Variants in PEAR1 observed in about 807,000 individuals in gnomAD.
PEAR1 encodes the protein platelet endothelial aggregation receptor 1.
PEAR1 carries 113 observed loss-of-function variants against 131.2 expected under a neutral mutation model. The observed-to-expected ratio is 0.86, with a 90% confidence interval of 0.74 to 1.01. PEAR1 has a LOEUF of 1.01. PEAR1 is among the 50% of genes least tolerant of loss of function. The probability of loss-of-function intolerance (pLI) is 0.00; values close to 1 mark genes in which losing one functional copy is unlikely to be tolerated. For missense variants in PEAR1, 1,408 were observed against 1,391.1 expected (o/e 1.01, Z -0.19); for synonymous variants, 565 against 523.3 (o/e 1.08, Z -1.09).
chr1:156,914,114 C>T lies in PEAR1; in HGVS notation c.2962+14C>T. 4 of 1,574,120 alleles carry T rather than the reference C, an allele frequency of 2.5e-6. No homozygotes were observed. The highest frequency in any genetic ancestry group is 2.3e-5 in the South Asian group (2 of 85,634). ...CCCTGATCCATGGTGAGCCCTCCCT[C>T]TCCACTGGCAGGAGCAGCAGAGAAC... On this transcript the variant is annotated intron_variant, in intron 22 of 22. Coordinates refer to ENST00000292357, the MANE Select transcript of PEAR1 (RefSeq NM_001080471.3).
At chr1:156,904,982 T>C (rs1325896634) in intron 3 of PEAR1, 130 bp downstream of exon 3, 2 of 1,555,914 alleles carry the variant, frequency 1.3e-6, no homozygotes, top group Non-Finnish European at 1.7e-6. Context: ...GGATTCATTC[T>C]GCATGGTCTG....
Position 156,903,963 on chromosome 1 carries a change from G to T in PEAR1, c.37G>T (p.Val13Leu), listed in dbSNP as rs770778418. ...PPLCPLLLLAVGLRLAGTLNP... is the reference protein window; with the variant it reads ...PPLCPLLLLALGLRLAGTLNP... ...TCTGTGTCCCCTCCTTCTCCTGGCT[G>T]TGGGCCTGCGGCTGGCTGGAACTCT... The change falls in exon 2 of 23, where the codon GTG becomes TTG. Residue 13 changes from valine to leucine, a missense_variant. Physicochemically the swap from Val to Leu is conservative, Grantham distance 32 (BLOSUM62 1). Coordinates refer to ENST00000292357, the MANE Select transcript of PEAR1 (RefSeq NM_001080471.3). 3.1e-6 allele frequency: 5 copies of T among 1,613,970 alleles called. No individual in the cohort carries two copies. Among genetic ancestry groups the T allele is most frequent in the Non-Finnish European group, 4.2e-6 (5 of 1,180,016 alleles).
chr1:156,911,041 C>CTTTCTTTCTTTCTTTCTTTCTTTT (rs1651021155), intron 15 of PEAR1, among the ~76,000 whole-genome samples: 1 of 68,816 alleles, frequency 1.5e-5, no homozygotes, highest in African/African-American at 6.4e-5. Flanking sequence ...ATTTCTTTTT[C>CTTTCTTTCTTTCTTTCTTTCTTTT]TTTCTTTCTT....
intron 5 of PEAR1, 26 bp from the exon 6 acceptor site, chr1:156,906,611 C>A: frequency 1.2e-6 from 2 of 1,613,574 alleles, no homozygotes; most frequent in African/African-American, 1.3e-5. Flanking sequence ...CCCTGGTGAC[C>A]CCCTTCCCGC....
rs1032402794 is a variant in PEAR1, at chr1:156,907,420, C to T, written c.645-190C>T. On this transcript the variant is annotated intron_variant, in intron 6 of 22. Coordinates refer to ENST00000292357, the MANE Select transcript of PEAR1 (RefSeq NM_001080471.3). Reference sequence around the variant, plus strand: ...TGGCTCTTTGCTCACCCCCACCTGCCGGTGCCAGGGTGTCCCTGCCATTTC... The same window carrying T: ...TGGCTCTTTGCTCACCCCCACCTGCTGGTGCCAGGGTGTCCCTGCCATTTC... Among the ~76,000 whole-genome samples, 9 of 152,174 alleles carry T rather than the reference C, an allele frequency of 5.9e-5. No individual in the cohort carries two copies. The South Asian group carries it at 6.2e-4, about 10-fold the overall frequency.
chr1:156,895,017 C>A (rs1164563611), intron 1 of PEAR1, among the ~76,000 whole-genome samples: 1 of 152,246 alleles, frequency 6.6e-6, no homozygotes, highest in African/African-American at 2.4e-5. Flanking sequence ...CTCCTATCTC[C>A]TGTGTCTCCT....
intron 1 of PEAR1, among the ~76,000 whole-genome samples, chr1:156,894,549 A>C (rs1648971599): frequency 6.6e-6 from 1 of 152,206 alleles, no homozygotes. Flanking sequence ...CTGGGGGTTC[A>C]GCTTGAGGTC....
Position 156,898,859 on chromosome 1 carries a change from T to C in PEAR1, c.-10+5022T>C, listed in dbSNP as rs554240966. Among the ~76,000 whole-genome samples, 49 of 152,032 alleles carry C rather than the reference T, an allele frequency of 3.2e-4. No homozygotes were observed. In the South Asian group the frequency reaches 8.5e-3, roughly 26 times the overall value. Reference sequence around the variant, plus strand: ...GTGCAACTGTACATGGCAGCCTTAGTATAGGAACGGAAAAAGAGAGGCAGG... The same window carrying C: ...GTGCAACTGTACATGGCAGCCTTAGCATAGGAACGGAAAAAGAGAGGCAGG... On this transcript the variant is annotated intron_variant, in intron 1 of 22. Coordinates refer to ENST00000292357, the MANE Select transcript of PEAR1 (RefSeq NM_001080471.3).
Position 156,908,023 on chromosome 1 carries a change from C to A in PEAR1, c.874C>A (p.Arg292Ser). The change falls in exon 8 of 23, where the codon CGC becomes AGC. Residue 292 changes from arginine to serine, a missense_variant. Arg to Ser is a moderately radical substitution (Grantham distance 110). Transcript: ENST00000292357. This position sits in a 1 kb window ranked among gnomAD's most constrained non-coding sequence, Gnocchi z 4.2. ...GLCDRFTGQC[R>S]CAPGYTGDRC... ...CTGTGACCGATTCACTGGGCAGTGC[C>A]GCTGCGCTCCGGGTTACACTGGGGA... 1 of 1,523,146 alleles carries A rather than the reference C, an allele frequency of 6.6e-7. No individual in the cohort carries two copies. Among genetic ancestry groups the A allele is most frequent in the South Asian group, 1.2e-5 (1 of 85,234 alleles). The allele number at this position is 1,523,146 out of a possible 1,614,324, so 94.4% of individuals were successfully genotyped here. A position where few individuals can be genotyped will look rare whatever the true frequency, so the allele number is the denominator to read the frequency against.
At position 156,913,296 on chromosome 1, in the gene PEAR1, G is replaced by T. The variant is rs1205826027; in HGVS notation, c.2511+14G>T. The T allele has an allele frequency of 6.2e-7, 1 of 1,601,988 alleles. No individual in the cohort carries two copies. Among genetic ancestry groups the T allele is most frequent in the Admixed American group, 1.7e-5 (1 of 59,092 alleles). ...CCCCCTAACAAGGTCAGTGCCGGGGGAGGGGGTGCACTGTGGAGGGAAGCG... is the reference window on the plus strand; with the variant it reads ...CCCCCTAACAAGGTCAGTGCCGGGGTAGGGGGTGCACTGTGGAGGGAAGCG... On this transcript the variant is annotated intron_variant, in intron 19 of 22. Transcript: ENST00000292357.
chr1:156,900,559 C>T (rs1649582684), intron 1 of PEAR1, among the ~76,000 whole-genome samples: 1 of 152,182 alleles, frequency 6.6e-6, no homozygotes, highest in Non-Finnish European at 1.5e-5. Flanking sequence ...TGGGCCATAA[C>T]ACCTACTACA....
At chr1:156,898,041 C>T (rs1018834497) in intron 1 of PEAR1, among the ~76,000 whole-genome samples, 22 of 152,108 alleles carry the variant, frequency 1.4e-4, no homozygotes, top group African/African-American at 5.3e-4. Flanking sequence ...CCAGGGTTTA[C>T]CTCCCCACAC....
intron 5 of PEAR1, 96 bp downstream of exon 5, chr1:156,906,464 A>G (rs900691764): frequency 1.3e-6 from 2 of 1,542,692 alleles, no homozygotes; most frequent in Non-Finnish European, 1.8e-6. Context: ...GGGGCTTAGG[A>G]CCCCAGGGCG....
intron 1 of PEAR1, among the ~76,000 whole-genome samples, chr1:156,899,000 G>C (rs193002824): frequency 6.6e-6 from 1 of 152,318 alleles, no homozygotes; most frequent in East Asian, 1.9e-4. Context: ...CTGGAGCTTG[G>C]AGGATTCTGT....
At chr1:156,914,626 A>G in intron 22 of PEAR1, 21 bp from the exon 23 acceptor site, 1 of 1,603,844 alleles carries the variant, frequency 6.2e-7, no homozygotes, top group Non-Finnish European at 8.5e-7. Flanking sequence ...ACTCCCTCTT[A>G]TCTTGTCCTC....
At chr1:156,912,722 G>T (rs1651367174) in intron 17 of PEAR1, 48 bp from the exon 18 acceptor site, 2 of 1,612,414 alleles carry the variant, frequency 1.2e-6, no homozygotes, top group African/African-American at 2.7e-5. Context: ...CCTCTCCCAT[G>T]CAGCAGAGCC....
intron 2 of PEAR1, 87 bp from the exon 3 acceptor site, chr1:156,904,661 G>A (rs1234925665): frequency 3.0e-6 from 4 of 1,338,422 alleles, no homozygotes; most frequent in Non-Finnish European, 4.1e-6. Flanking sequence ...ATTCCCCACT[G>A]TGGCCAAGCC....
chr1:156,911,287 T>TTC (rs1420083283), intron 15 of PEAR1, among the ~76,000 whole-genome samples: 5 of 144,196 alleles, frequency 3.5e-5, no homozygotes, highest in African/African-American at 1.0e-4. Context: ...CTTTCTTTCT[T>TTC]TTTTTTTTTT....
rs1351535468 is a variant in PEAR1, at chr1:156,916,400, C to T, written c.*1602C>T. 6.6e-6 allele frequency: 1 copy of T among 152,148 alleles called. No individual in the cohort carries two copies. Among genetic ancestry groups the T allele is most frequent in the Non-Finnish European group, 1.5e-5 (1 of 68,060 alleles). 9.4% of individuals were successfully genotyped at this position (152,148 alleles called of 1,614,324 possible). A position where few individuals can be genotyped will look rare whatever the true frequency, so the allele number is the denominator to read the frequency against. Reference sequence around the variant, plus strand: ...TGTTTCGGGGCGCCATGAACCGCACCCATATAACACGGTAAACTTAATCAG... The same window carrying T: ...TGTTTCGGGGCGCCATGAACCGCACTCATATAACACGGTAAACTTAATCAG... On this transcript the variant is annotated 3_prime_UTR_variant, in exon 23 of 23. Transcript: ENST00000292357.
Sources: gnomAD v4.1 joint callset for allele counts (sites outside exome capture counted in the v4.1 genomes callset) on GRCh38, gnomAD v4.1.1 for gene constraint, Gnocchi (gnomAD v3.1) non-coding constraint, MANE v1.5 for transcripts, NCBI Gene and HGNC (gene_info 2026-07-23, HGNC 2026-07-21) for gene names.